Variants in MTF2 observed in about 807,000 individuals in gnomAD.
The protein encoded by MTF2 is metal-response element-binding transcription factor 2.
Under a neutral mutation model 79.5 loss-of-function variants are expected in MTF2, and 11 were observed. The observed-to-expected ratio is 0.14, with a 90% CI of 0.09 to 0.23. MTF2 has a LOEUF of 0.23. Ranked by LOEUF, MTF2 falls within the 10% of genes least tolerant of loss-of-function variation. The probability of loss-of-function intolerance (pLI) is 1.00; values close to 1 mark genes in which losing one functional copy is unlikely to be tolerated. For synonymous variants in MTF2, 208 were observed against 232.8 expected, an observed-to-expected ratio of 0.89 and a Z score of 0.97; for missense variants, 486 against 711.2, an observed-to-expected ratio of 0.68 and a Z score of 3.60.
intron 1 of MTF2, among the ~76,000 whole-genome samples, chr1:93,092,999 G>A (rs1263506018): frequency 6.6e-6 from 1 of 151,926 alleles, no homozygotes; most frequent in Non-Finnish European, 1.5e-5. Context: ...TGGTTTGCAC[G>A]GTGAAATCCT....
intron 1 of MTF2, among the ~76,000 whole-genome samples, chr1:93,107,638 C>A (rs1300071677): frequency 6.6e-6 from 1 of 152,168 alleles, no homozygotes; most frequent in Non-Finnish European, 1.5e-5. Context: ...CTTGAAACAG[C>A]CACTTAGTTC....
chr1:93,115,026 A>G lies in MTF2; in HGVS notation c.421A>G (p.Ser141Gly), dbSNP rs1338261974. The change falls in exon 5 of 15, where the codon AGT becomes GGT. Residue 141 changes from serine to glycine, a missense_variant. This residue lies in a region of MTF2 where 177 missense variants were observed against 364.0 expected (regional missense o/e 0.49). Coordinates refer to ENST00000370298, the MANE Select transcript of MTF2 (RefSeq NM_007358.4). The stretch of plus-strand genomic sequence containing the variant: ...GTGTCACACACCTCATATTGATTCC[A>G]GTGTGATTGATTCAGATGAAAAATG... ...QLCHTPHIDS[S>G]VIDSDEKWLC... 1 of 1,611,044 alleles carries G rather than the reference A, an allele frequency of 6.2e-7. No homozygotes were observed. The highest frequency in any genetic ancestry group is 8.5e-7 in the Non-Finnish European group (1 of 1,177,712).
At chr1:93,080,473 A>G (rs929387780) in intron 1 of MTF2, among the ~76,000 whole-genome samples, 1 of 152,180 alleles carries the variant, frequency 6.6e-6, no homozygotes, top group Non-Finnish European at 1.5e-5. Context: ...AGGCTTATGG[A>G]ATGTTACTCT....
intron 1 of MTF2, among the ~76,000 whole-genome samples, chr1:93,090,605 G>A (rs1444240857): frequency 1.3e-5 from 2 of 151,936 alleles, no homozygotes; most frequent in Non-Finnish European, 2.9e-5. Context: ...ATCAGTGTAT[G>A]AAAGTAAGAG....
chr1:93,114,003 GA>G (rs59303475), intron 3 of MTF2, among the ~76,000 whole-genome samples: 12,152 of 150,528 alleles, frequency 0.081, 1,583 homozygotes, highest in African/African-American at 0.28. Context: ...AATTTTGTGT[GA>G]TTTTTTTTTT....
chr1:93,107,568 T>C (rs1052285161), intron 1 of MTF2, among the ~76,000 whole-genome samples: 1 of 152,248 alleles, frequency 6.6e-6, no homozygotes, highest in Non-Finnish European at 1.5e-5. Context: ...CATAAGGCAC[T>C]TGTGCCATTG....
At chr1:93,126,550 T>C (rs1373501310) in intron 9 of MTF2, among the ~76,000 whole-genome samples, 1 of 151,970 alleles carries the variant, frequency 6.6e-6, no homozygotes, top group Non-Finnish European at 1.5e-5. Flanking sequence ...ATTTCTTTGC[T>C]AATATGCCTT....
At chr1:93,082,945 A>G (rs181957852) in intron 1 of MTF2, among the ~76,000 whole-genome samples, 30 of 152,344 alleles carry the variant, frequency 2.0e-4, no homozygotes, top group Admixed American at 1.7e-3. Context: ...TTTCATGTAA[A>G]TGGAGTAGTA....
rs1399379457 is a variant in MTF2, at chr1:93,136,907, T to C, written c.1662T>C (p.Ser554=). ...ATCATCTAAAGAACTCCATTACCAG[T>C]TATTTTGGTGCTGCAGGTAGAATAG... ...QLNHLKNSIT[S]YFGAAGRIAC... is the part of the protein sequence containing the mutation. Residue 554 remains serine (S), a synonymous_variant, in exon 15 of 15, where the codon AGT becomes AGC. Coordinates refer to ENST00000370298, the MANE Select transcript of MTF2 (RefSeq NM_007358.4). The C allele has an allele frequency of 1.2e-6, 2 of 1,614,060 alleles. No individual in the cohort carries two copies. The highest frequency in any genetic ancestry group is 2.7e-5 in the African/African-American group (2 of 74,906).
At chr1:93,095,062 A>G (rs1303199678) in intron 1 of MTF2, among the ~76,000 whole-genome samples, 5 of 151,988 alleles carry the variant, frequency 3.3e-5, no homozygotes, top group Admixed American at 6.6e-5. Flanking sequence ...CCCAGGCTGG[A>G]ATACAGTGGC....
At chr1:93,103,621 CTA>C (rs1054157375) in intron 1 of MTF2, among the ~76,000 whole-genome samples, 20 of 151,950 alleles carry the variant, frequency 1.3e-4, no homozygotes, top group African/African-American at 4.8e-4. Context: ...TCATTTTTAA[CTA>C]TATGTTTCTA....
chr1:93,115,405 A>ATT, intron 5 of MTF2, 65 bp from the exon 6 acceptor site: 1 of 1,034,038 alleles, frequency 9.7e-7, no homozygotes, highest in East Asian at 2.9e-5. Context: ...AGTCGTTTTT[A>ATT]AAGTATAGAA....
At chr1:93,090,550 C>T (rs1655034043) in intron 1 of MTF2, among the ~76,000 whole-genome samples, 3 of 151,872 alleles carry the variant, frequency 2.0e-5, no homozygotes, top group Non-Finnish European at 4.4e-5. Context: ...GCCTGACTGA[C>T]TGTACTTTTA....
At chr1:93,107,054 C>G (rs1395986123) in intron 1 of MTF2, among the ~76,000 whole-genome samples, 3 of 152,178 alleles carry the variant, frequency 2.0e-5, no homozygotes. Flanking sequence ...CTTCTCCTCA[C>G]AGCTGACTAT....
At chr1:93,121,193 T>A (rs1353222570) in intron 9 of MTF2, 2 of 983,212 alleles carry the variant, frequency 2.0e-6, no homozygotes, top group Non-Finnish European at 2.4e-6. Flanking sequence ...CTCATTTTGC[T>A]TCTCATTTTT....
chr1:93,087,337 C>T (rs1343144855), intron 1 of MTF2, among the ~76,000 whole-genome samples: 6 of 152,014 alleles, frequency 3.9e-5, no homozygotes, highest in African/African-American at 4.8e-5. Flanking sequence ...TTTGGGAGGC[C>T]GAGGTGGGTG....
intron 1 of MTF2, among the ~76,000 whole-genome samples, chr1:93,098,691 G>T (rs556836488): frequency 6.6e-6 from 1 of 152,288 alleles, no homozygotes; most frequent in East Asian, 1.9e-4. Flanking sequence ...ATATATGTTG[G>T]TTGTTTATAA....
intron 1 of MTF2, among the ~76,000 whole-genome samples, chr1:93,103,239 T>C (rs550829622): frequency 8.6e-4 from 130 of 151,208 alleles, no homozygotes; most frequent in Non-Finnish European, 1.5e-3. Context: ...ATATACGTAG[T>C]ATTTTATTAT....
At position 93,137,799 on chromosome 1, in the gene MTF2, A is replaced by G. The variant is rs151115795; in HGVS notation, c.*772A>G. On this transcript the variant is annotated 3_prime_UTR_variant, in exon 15 of 15. Transcript: ENST00000370298. ...TGTTGCTTGCTATGTATGAAGAGAA[A>G]TGTGTCAGACAAGTTTAGTGTGTTC... is the stretch of plus-strand genomic sequence containing the variant. 1 of 152,312 alleles carries G rather than the reference A, an allele frequency of 6.6e-6. No individual in the cohort carries two copies. The highest frequency in any genetic ancestry group is 2.4e-5 in the African/African-American group (1 of 41,572). 9.4% of individuals were successfully genotyped at this position (152,312 alleles called of 1,614,324 possible).
Sources: gnomAD v4.1 joint callset for allele counts (sites outside exome capture counted in the v4.1 genomes callset) on GRCh38, gnomAD v4.1.1 for gene constraint, gnomAD v4.1.1 regional missense constraint, MANE v1.5 for transcripts, NCBI Gene and HGNC (gene_info 2026-07-23, HGNC 2026-07-21) for gene names.